The following YTHDF3 variants were observed in gnomAD, a reference collection of about 807,000 sequenced individuals.
The protein encoded by YTHDF3 is YTH domain-containing family protein 3.
A neutral mutation model predicts 52.5 loss-of-function variants in YTHDF3; 9 were observed. The ratio of observed to expected loss-of-function variants is 0.17; its 90% confidence interval spans 0.10 to 0.30. YTHDF3 has a LOEUF of 0.30. Ranked by LOEUF, YTHDF3 falls within the 10% of genes least tolerant of loss-of-function variation. YTHDF3 has a pLI of 1.00. For synonymous variants in YTHDF3, 274 were observed against 243.3 expected, an observed-to-expected ratio of 1.13 and a Z score of -1.18; for missense variants, 534 against 715.0, an observed-to-expected ratio of 0.75 and a Z score of 2.89.
intron 3 of YTHDF3, among the ~76,000 whole-genome samples, chr8:63,175,951 C>G (rs1229383495): frequency 6.6e-6 from 1 of 152,074 alleles, no homozygotes; most frequent in African/African-American, 2.4e-5. Context: ...AACATACTTG[C>G]TTTATAAACA....
intron 4 of YTHDF3, among the ~76,000 whole-genome samples, chr8:63,201,177 A>G (rs941522088): frequency 2.0e-5 from 3 of 152,204 alleles, no homozygotes; most frequent in Non-Finnish European, 4.4e-5. Flanking sequence ...TAAGCCTTCA[A>G]TCAAACAAGG....
intron 4 of YTHDF3, among the ~76,000 whole-genome samples, chr8:63,191,871 G>A: frequency 6.6e-6 from 1 of 152,110 alleles, no homozygotes; most frequent in East Asian, 1.9e-4. Flanking sequence ...TCTATTACAT[G>A]GATGGATGAC....
intron 2 of YTHDF3, chr8:63,173,743 C>T (rs1807499570): frequency 1.1e-6 from 1 of 933,446 alleles, no homozygotes; most frequent in Non-Finnish European, 1.3e-6. Flanking sequence ...CTAGAAGTAA[C>T]CTAAGGCACC....
chr8:63,200,261 G>C (rs1809518776), intron 4 of YTHDF3, among the ~76,000 whole-genome samples: 1 of 152,094 alleles, frequency 6.6e-6, no homozygotes, highest in African/African-American at 2.4e-5. Context: ...CAGGAGGCTT[G>C]CTTCATCAAA....
At chr8:63,182,773 A>G (rs1808229068) in intron 3 of YTHDF3, among the ~76,000 whole-genome samples, 1 of 152,088 alleles carries the variant, frequency 6.6e-6, no homozygotes, top group South Asian at 2.1e-4. Context: ...TGTGGGATTT[A>G]TCTACTTCCC....
chr8:63,212,418 T>A lies in YTHDF3; in HGVS notation c.*2712T>A, dbSNP rs1363267890. 2 of 148,902 alleles carry A rather than the reference T, an allele frequency of 1.3e-5. No individual in the cohort carries two copies. The highest frequency in any genetic ancestry group is 3.0e-5 in the Non-Finnish European group (2 of 67,628). The allele number at this position is 148,902 out of a possible 1,614,324, so 9.2% of individuals were successfully genotyped here. A position where few individuals can be genotyped will look rare whatever the true frequency, so the allele number is the denominator to read the frequency against. ...ATACCGTGCATGGGGGTTAAGCTGA[T>A]GTTAAAACAGTTTGCAATAAAAAAA... On this transcript the variant is annotated 3_prime_UTR_variant, in exon 5 of 5. Transcript: ENST00000539294.
intron 2 of YTHDF3, among the ~76,000 whole-genome samples, chr8:63,175,024 C>G (rs1248709982): frequency 1.3e-5 from 2 of 152,112 alleles, no homozygotes; most frequent in Non-Finnish European, 2.9e-5. Flanking sequence ...TTCCAACATT[C>G]TTATGTAACA....
At chr8:63,180,748 G>A (rs922290763) in intron 3 of YTHDF3, among the ~76,000 whole-genome samples, 4 of 152,250 alleles carry the variant, frequency 2.6e-5, no homozygotes, top group Non-Finnish European at 5.9e-5. Flanking sequence ...GAGGCTGGCG[G>A]ATCACTCGCG....
chr8:63,168,851 G>C lies in YTHDF3; in HGVS notation c.-27G>C. The C allele has an allele frequency of 6.4e-7, 1 of 1,554,152 alleles. No homozygotes were observed. On this transcript the variant is annotated 5_prime_UTR_variant, in exon 1 of 5. Coordinates refer to ENST00000539294, the MANE Select transcript of YTHDF3 (RefSeq NM_152758.6). ...GGGAGAGGCCCAGGCAGCGGCGGCG[G>C]CGGCGGCTCTCGGGTTGCGGTGAAG...
chr8:63,209,631 G>A, intron 4 of YTHDF3, 52 bp from the exon 5 acceptor site: 1 of 1,488,238 alleles, frequency 6.7e-7, no homozygotes, highest in South Asian at 1.3e-5. Context: ...TTTAAATAAT[G>A]AGAGTTTTTC....
intron 2 of YTHDF3, 165 bp downstream of exon 2, chr8:63,169,576 G>C: frequency 2.8e-6 from 2 of 704,122 alleles, no homozygotes; most frequent in Non-Finnish European, 4.7e-6. Flanking sequence ...CAGAACTTCG[G>C]TAGTTCGTTG....
chr8:63,171,404 A>G (rs1563390602), intron 2 of YTHDF3, among the ~76,000 whole-genome samples: 1 of 152,114 alleles, frequency 6.6e-6, no homozygotes, highest in East Asian at 1.9e-4. Context: ...TCCTCACTTA[A>G]TCTATTTTTA....
intron 3 of YTHDF3, among the ~76,000 whole-genome samples, chr8:63,185,336 G>T (rs891769946): frequency 1.3e-5 from 2 of 151,398 alleles, no homozygotes; most frequent in African/African-American, 4.9e-5. Context: ...TAAATGATAA[G>T]TATAGTGAAG....
At chr8:63,204,745 G>C (rs1457324491) in intron 4 of YTHDF3, among the ~76,000 whole-genome samples, 1 of 152,076 alleles carries the variant, frequency 6.6e-6, no homozygotes. Context: ...CTGTTTTATT[G>C]TTATTTATGT....
chr8:63,186,196 C>G lies in YTHDF3; in HGVS notation c.185C>G (p.Ala62Gly). The G allele has an allele frequency of 6.2e-7, 1 of 1,613,966 alleles. No individual in the cohort carries two copies. Among genetic ancestry groups the G allele is most frequent in the Non-Finnish European group, 8.5e-7 (1 of 1,179,860 alleles). The change falls in exon 4 of 5, where the codon GCT (alanine) becomes GGT (glycine). Residue 62 changes from alanine to glycine, a missense_variant. Physicochemically the swap from Ala to Gly is moderately conservative, Grantham distance 60. This residue lies in a region of YTHDF3 where 196 missense variants were observed against 299.5 expected (regional missense o/e 0.65). Transcript: ENST00000539294. ...GATCCATACATGCCTAGTTACTATG[C>G]TCCATCCATTGGATTTCCATATTCT... is the stretch of plus-strand genomic sequence containing the variant. ...MSDPYMPSYY[A>G]PSIGFPYSLG...
At chr8:63,175,784 G>T (rs945377712) in intron 3 of YTHDF3, 5 of 155,102 alleles carry the variant, frequency 3.2e-5, no homozygotes, top group Admixed American at 2.6e-4. Flanking sequence ...AGAAATTTGG[G>T]TATTTGGAGG....
intron 2 of YTHDF3, among the ~76,000 whole-genome samples, chr8:63,173,192 A>G (rs897641458): frequency 1.4e-5 from 2 of 146,066 alleles, no homozygotes; most frequent in Non-Finnish European, 3.0e-5. Context: ...TAAGAATAAC[A>G]GGATTATATT....
intron 4 of YTHDF3, among the ~76,000 whole-genome samples, chr8:63,195,848 T>C (rs921231196): frequency 6.6e-6 from 1 of 151,892 alleles, no homozygotes; most frequent in Admixed American, 6.6e-5. Context: ...TTGCCCAGGC[T>C]GGAGTGCAGT....
intron 3 of YTHDF3, among the ~76,000 whole-genome samples, chr8:63,180,612 C>T (rs1430522661): frequency 6.6e-6 from 1 of 152,176 alleles, no homozygotes; most frequent in Non-Finnish European, 1.5e-5. Context: ...CTTTGGGAGG[C>T]CAAGGCAGGC....
Sources: allele counts gnomAD v4.1 joint callset (sites outside exome capture counted in the v4.1 genomes callset), GRCh38; gene constraint gnomAD v4.1.1; regional missense constraint gnomAD v4.1.1; transcripts MANE v1.5; gene names NCBI Gene and HGNC (gene_info 2026-07-23, HGNC 2026-07-21).